Variants in LINGO2 observed in about 807,000 individuals in gnomAD.
LINGO2 encodes the protein leucine rich repeat and Ig domain containing 2, also known as leucine-rich repeat and immunoglobulin-like domain-containing nogo receptor-interacting protein 2.
LINGO2 carries 14 observed loss-of-function variants against 30.6 expected under a neutral mutation model. The observed-to-expected ratio is 0.46, with a 90% CI of 0.30 to 0.72. The LOEUF (loss-of-function observed/expected upper bound fraction) is 0.72. Ranked by LOEUF, LINGO2 falls within the 30% of genes least tolerant of loss-of-function variation. The probability of loss-of-function intolerance (pLI) is 0.07; values close to 1 mark genes in which losing one functional copy is unlikely to be tolerated. For synonymous variants in LINGO2, 317 were observed against 288.5 expected (o/e 1.10, Z -1.00); for missense variants, 729 against 751.7 (o/e 0.97, Z 0.35).
At chr9:28,251,793 T>C (rs1337869947) in intron 4 of LINGO2, among the ~76,000 whole-genome samples, 1 of 152,072 alleles carries the variant, frequency 6.6e-6, no homozygotes, top group African/African-American at 2.4e-5. Context: ...AACTATTACA[T>C]ACAGGGAGGA....
At chr9:29,131,802 T>C in the LINGO2 span, among the ~76,000 whole-genome samples, 2 of 151,830 alleles carry the variant, frequency 1.3e-5, no homozygotes, top group African/African-American at 4.8e-5. Context: ...TCATGGAAAC[T>C]ATCCCTAGTT....
At chr9:28,584,702 G>A (rs1278881896) in intron 1 of LINGO2, among the ~76,000 whole-genome samples, 1 of 151,906 alleles carries the variant, frequency 6.6e-6, no homozygotes, top group Non-Finnish European at 1.5e-5. Context: ...TTTTTACATG[G>A]TTGTTATTAA....
chr9:28,520,647 A>G (rs1820795025), intron 1 of LINGO2, among the ~76,000 whole-genome samples: 1 of 152,178 alleles, frequency 6.6e-6, no homozygotes, highest in African/African-American at 2.4e-5. Context: ...CCTAGAAGAC[A>G]GCCTAGTACC....
chr9:28,846,849 T>C, the LINGO2 span, among the ~76,000 whole-genome samples: 1 of 147,608 alleles, frequency 6.8e-6, no homozygotes, highest in Non-Finnish European at 1.5e-5. Context: ...GCAAGATGGT[T>C]TCCCACTCAC....
chr9:29,073,501 G>C, the LINGO2 span, among the ~76,000 whole-genome samples: 1 of 151,982 alleles, frequency 6.6e-6, no homozygotes. Flanking sequence ...ATTTTAAATG[G>C]TTAAAAGAAT....
chr9:29,205,567 G>C, the LINGO2 span, among the ~76,000 whole-genome samples: 2 of 152,122 alleles, frequency 1.3e-5, no homozygotes, highest in Admixed American at 1.3e-4. Flanking sequence ...TGGTCTCATA[G>C]TTGGAAAATC....
chr9:27,972,055 T>C (rs1223254601), intron 5 of LINGO2, among the ~76,000 whole-genome samples: 2 of 152,156 alleles, frequency 1.3e-5, no homozygotes, highest in African/African-American at 4.8e-5. Context: ...AGGCCTTCAA[T>C]AATGGGTACT....
the LINGO2 span, among the ~76,000 whole-genome samples, chr9:28,711,150 A>G: frequency 6.6e-6 from 1 of 152,156 alleles, no homozygotes; most frequent in African/African-American, 2.4e-5. Context: ...TAAGTGCTTA[A>G]TGTATTTATT....
chr9:28,661,228 T>C (rs1828571120), intron 1 of LINGO2, among the ~76,000 whole-genome samples: 1 of 152,196 alleles, frequency 6.6e-6, no homozygotes, highest in Non-Finnish European at 1.5e-5. Flanking sequence ...GAAATCCTGC[T>C]ATCCATTCTG....
At chr9:28,713,774 C>G in the LINGO2 span, among the ~76,000 whole-genome samples, 1 of 152,104 alleles carries the variant, frequency 6.6e-6, no homozygotes, top group Non-Finnish European at 1.5e-5. Context: ...AAATTCATAT[C>G]TGGCATTGAC....
chr9:28,866,195 G>A, the LINGO2 span, among the ~76,000 whole-genome samples: 20 of 151,990 alleles, frequency 1.3e-4, no homozygotes, highest in East Asian at 3.3e-3. Context: ...CTAATTTTCC[G>A]GTGCACTGAT....
intron 5 of LINGO2, among the ~76,000 whole-genome samples, chr9:27,972,622 T>A (rs1563869606): frequency 6.6e-6 from 1 of 152,188 alleles, no homozygotes; most frequent in Non-Finnish European, 1.5e-5. Context: ...AAGACCAATT[T>A]ACAGACTAAA....
chr9:28,941,005 T>G, the LINGO2 span, among the ~76,000 whole-genome samples: 1 of 100,962 alleles, frequency 9.9e-6, no homozygotes, highest in Non-Finnish European at 2.2e-5. Context: ...AGTCACACTC[T>G]TTCTCTCCAC....
At chr9:28,122,497 T>A (rs1827125007) in intron 4 of LINGO2, among the ~76,000 whole-genome samples, 1 of 152,162 alleles carries the variant, frequency 6.6e-6, no homozygotes, top group Non-Finnish European at 1.5e-5. Context: ...AATCAGAAAG[T>A]TTTGCTAACC....
the LINGO2 span, among the ~76,000 whole-genome samples, chr9:29,053,054 A>T: frequency 6.6e-6 from 1 of 152,132 alleles, no homozygotes; most frequent in African/African-American, 2.4e-5. Context: ...TTCTCTGTCA[A>T]TCTTAGTTGT....
the LINGO2 span, among the ~76,000 whole-genome samples, chr9:29,044,087 C>A: frequency 6.6e-6 from 1 of 151,996 alleles, no homozygotes; most frequent in Non-Finnish European, 1.5e-5. Flanking sequence ...TAATAGCTGA[C>A]TTCAAAGTTC....
At chr9:28,330,371 C>T (rs973837176) in intron 3 of LINGO2, among the ~76,000 whole-genome samples, 7 of 152,128 alleles carry the variant, frequency 4.6e-5, no homozygotes, top group Middle Eastern at 3.2e-3. Context: ...GAAAATTAAG[C>T]GTAAAGTACA....
chr9:28,529,201 T>TA (rs1821138473), intron 1 of LINGO2, among the ~76,000 whole-genome samples: 1 of 152,204 alleles, frequency 6.6e-6, no homozygotes, highest in African/African-American at 2.4e-5. Context: ...GAAAGTGAAA[T>TA]AAATATAACA....
At chr9:28,645,269 T>A (rs954100250) in intron 1 of LINGO2, among the ~76,000 whole-genome samples, 1 of 152,104 alleles carries the variant, frequency 6.6e-6, no homozygotes, top group African/African-American at 2.4e-5. Context: ...GTGTGTCATA[T>A]ATGCAGAGCC....
Sources: gnomAD v4.1 joint callset for allele counts (sites outside exome capture counted in the v4.1 genomes callset) on GRCh38, gnomAD v4.1.1 for gene constraint, MANE v1.5 for transcripts, NCBI Gene and HGNC (gene_info 2026-07-23, HGNC 2026-07-21) for gene names.